The following KIAA1328 variants were observed in gnomAD, a reference collection of about 807,000 sequenced individuals.
The protein encoded by KIAA1328 is protein hinderin.
KIAA1328 carries 52 observed loss-of-function variants against 68.1 expected under a neutral mutation model. The observed-to-expected ratio is 0.76, with a 90% confidence interval of 0.61 to 0.96. The LOEUF is 0.96. KIAA1328 is among the 40% of genes least tolerant of loss of function. KIAA1328 has a pLI of 0.00. For synonymous variants in KIAA1328, 232 were observed against 239.4 expected (o/e 0.97, Z 0.28); for missense variants, 641 against 677.6 (o/e 0.95, Z 0.60).
At chr18:37,191,748 G>A (rs184260366) in intron 9 of KIAA1328, among the ~76,000 whole-genome samples, 18 of 151,358 alleles carry the variant, frequency 1.2e-4, no homozygotes, top group Admixed American at 1.2e-3. Context: ...AAACGTACAG[G>A]TGTATCAAGA....
At chr18:37,166,328 A>G (rs986810797) in intron 8 of KIAA1328, among the ~76,000 whole-genome samples, 4 of 152,182 alleles carry the variant, frequency 2.6e-5, no homozygotes, top group East Asian at 3.9e-4. Context: ...CCCTACCCCA[A>G]GCTTTTCCCA....
chr18:36,975,626 T>G (rs1598870407), intron 6 of KIAA1328, among the ~76,000 whole-genome samples: 1 of 152,350 alleles, frequency 6.6e-6, no homozygotes, highest in East Asian at 1.9e-4. Flanking sequence ...TGACTGTGCT[T>G]CTACTTGTGG....
intron 5 of KIAA1328, among the ~76,000 whole-genome samples, chr18:36,933,250 G>A (rs1203547686): frequency 6.6e-6 from 1 of 151,978 alleles, no homozygotes; most frequent in African/African-American, 2.4e-5. Flanking sequence ...TTTCTTAACT[G>A]TGTGGCTTTT....
chr18:36,872,222 G>A (rs1406406592), intron 4 of KIAA1328, among the ~76,000 whole-genome samples: 5 of 152,088 alleles, frequency 3.3e-5, no homozygotes, highest in African/African-American at 7.2e-5. Context: ...GGAGGGCAGA[G>A]TTATATGCTG....
chr18:37,133,278 G>A (rs1210398731), intron 7 of KIAA1328, among the ~76,000 whole-genome samples: 1 of 151,392 alleles, frequency 6.6e-6, no homozygotes, highest in East Asian at 2.0e-4. Flanking sequence ...GTTGCAGTGA[G>A]TGGAGGTCAC....
chr18:37,113,584 G>A (rs1443914755), intron 7 of KIAA1328, among the ~76,000 whole-genome samples: 1 of 152,166 alleles, frequency 6.6e-6, no homozygotes, highest in Non-Finnish European at 1.5e-5. Context: ...TTGATGCTAG[G>A]AAGAAACTGC....
intron 7 of KIAA1328, among the ~76,000 whole-genome samples, chr18:37,082,102 T>A (rs941977462): frequency 4.6e-5 from 7 of 151,756 alleles, no homozygotes; most frequent in Non-Finnish European, 7.4e-5. Context: ...CTCACGCTTT[T>A]TATATATATA....
At chr18:36,839,800 C>T (rs944591801) in intron 3 of KIAA1328, among the ~76,000 whole-genome samples, 4 of 152,192 alleles carry the variant, frequency 2.6e-5, no homozygotes, top group South Asian at 2.1e-4. Flanking sequence ...GAATACTCTT[C>T]CTGATGCCCC....
At chr18:37,100,349 G>C (rs1238433989) in intron 7 of KIAA1328, among the ~76,000 whole-genome samples, 1 of 152,212 alleles carries the variant, frequency 6.6e-6, no homozygotes, top group Non-Finnish European at 1.5e-5. Context: ...AATGGTCTTA[G>C]CAAACGGCAC....
intron 4 of KIAA1328, among the ~76,000 whole-genome samples, chr18:36,859,993 A>G (rs927208689): frequency 7.3e-5 from 11 of 151,420 alleles, no homozygotes; most frequent in African/African-American, 2.7e-4. Context: ...ATATTTTGAT[A>G]TGTAATATTT....
At chr18:36,981,147 T>A (rs1323224349) in intron 6 of KIAA1328, among the ~76,000 whole-genome samples, 1 of 152,080 alleles carries the variant, frequency 6.6e-6, no homozygotes, top group African/African-American at 2.4e-5. Context: ...AAGAGAAAAA[T>A]TCATAATTTA....
At chr18:36,854,350 A>G (rs1297508309) in intron 4 of KIAA1328, among the ~76,000 whole-genome samples, 1 of 152,210 alleles carries the variant, frequency 6.6e-6, no homozygotes. Context: ...TAATGAATTA[A>G]TATGGTGCTC....
Position 36,965,207 on chromosome 18 carries a change from T to C in KIAA1328, c.576+5772T>C, listed in dbSNP as rs2051868405. Among the ~76,000 whole-genome samples, 3 of 152,084 alleles carry C rather than the reference T, an allele frequency of 2.0e-5. No homozygotes were observed. The South Asian group carries it at 6.2e-4, about 32-fold the overall frequency. ...TGGTAAAATAATTACTTTTTAGCCA[T>C]GGGCAATGGATATTGAATTTCAGTT... On this transcript the variant is annotated intron_variant, in intron 6 of 9. Coordinates refer to ENST00000280020, the MANE Select transcript of KIAA1328 (RefSeq NM_020776.3).
intron 7 of KIAA1328, among the ~76,000 whole-genome samples, chr18:37,094,022 T>C (rs1568395132): frequency 6.6e-6 from 1 of 152,216 alleles, no homozygotes; most frequent in Non-Finnish European, 1.5e-5. Flanking sequence ...AGACAGTTTT[T>C]CCACAGACCA....
At chr18:37,102,185 C>G (rs1418640288) in intron 7 of KIAA1328, among the ~76,000 whole-genome samples, 1 of 152,132 alleles carries the variant, frequency 6.6e-6, no homozygotes, top group Non-Finnish European at 1.5e-5. Context: ...GCCAGGAATG[C>G]AAAGATGCTT....
At chr18:36,886,559 A>G (rs979639825) in intron 5 of KIAA1328, among the ~76,000 whole-genome samples, 2 of 151,750 alleles carry the variant, frequency 1.3e-5, no homozygotes, top group Non-Finnish European at 2.9e-5. Flanking sequence ...TAAGAAGATA[A>G]AGTAAAAACA....
At chr18:37,014,194 G>A (rs1484845037) in intron 6 of KIAA1328, among the ~76,000 whole-genome samples, 1 of 151,984 alleles carries the variant, frequency 6.6e-6, no homozygotes, top group African/African-American at 2.4e-5. Flanking sequence ...GATGGCATTT[G>A]GTTTTTGCTT....
intron 4 of KIAA1328, among the ~76,000 whole-genome samples, chr18:36,867,145 G>A (rs1254329840): frequency 1.3e-5 from 2 of 152,124 alleles, no homozygotes; most frequent in Non-Finnish European, 2.9e-5. Context: ...TGGATCATGG[G>A]GGTGGATTTC....
At position 37,222,982 on chromosome 18, in the gene KIAA1328, A is replaced by G. The variant is rs898046667; in HGVS notation, c.*755A>G. On this transcript the variant is annotated 3_prime_UTR_variant, in exon 10 of 10. Transcript: ENST00000280020. The stretch of plus-strand genomic sequence containing the variant: ...CCAATGTTTGGGTGACCACCCCTCC[A>G]ATATCCCAGAATGAATAAGAACAAT... The G allele has an allele frequency of 2.0e-6, 2 of 985,116 alleles. No individual in the cohort carries two copies. Among genetic ancestry groups the G allele is most frequent in the African/African-American group, 3.5e-5 (2 of 57,178 alleles). The allele number at this position is 985,116 out of a possible 1,614,324, so 61.0% of individuals were successfully genotyped here.
Sources: allele counts gnomAD v4.1 joint callset (sites outside exome capture counted in the v4.1 genomes callset), GRCh38; gene constraint gnomAD v4.1.1; transcripts MANE v1.5; gene names NCBI Gene and HGNC (gene_info 2026-07-23, HGNC 2026-07-21).